ANKRD6: variants seen among roughly 807,000 people sequenced by gnomAD.
ANKRD6 encodes ankyrin repeat domain 6.
A neutral mutation model predicts 82.3 loss-of-function variants in ANKRD6; 56 were observed. The ratio of observed to expected loss-of-function variants is 0.68; its 90% CI spans 0.55 to 0.85. ANKRD6 has a LOEUF of 0.85. Among genes scored for constraint, ANKRD6 ranks in the 40% least tolerant of loss-of-function variants. The pLI is 0.00. For missense variants in ANKRD6, 852 were observed against 907.6 expected (o/e 0.94, Z 0.79); for synonymous variants, 347 against 352.1 (o/e 0.99, Z 0.16).
rs1485057776 is a variant in ANKRD6 at position 89,616,635 on chromosome 6, C to A, written c.692C>A (p.Ala231Glu). The part of the protein sequence containing the change: ...KVAKILLEAG[A>E]DTTIVNNAGQ... ...GCCAAAATCTTACTGGAAGCCGGAG[C>A]AGATACGACCATTGTTAACAATGTA... The change falls in exon 8 of 16, where the codon GCA becomes GAA. Residue 231 changes from alanine to glutamate, a missense_variant. Ala to Glu is a moderately radical substitution (Grantham distance 107). Transcript: ENST00000339746. The A allele has an allele frequency of 6.2e-7, 1 of 1,614,056 alleles. No homozygotes were observed. The highest frequency in any genetic ancestry group is 8.5e-7 in the Non-Finnish European group (1 of 1,179,898).
At chr6:89,547,372 C>T (rs1785235044) in intron 1 of ANKRD6, among the ~76,000 whole-genome samples, 1 of 152,174 alleles carries the variant, frequency 6.6e-6, no homozygotes, top group African/African-American at 2.4e-5. Flanking sequence ...GTGGGATGTG[C>T]CTTTGTCATG....
intron 1 of ANKRD6, among the ~76,000 whole-genome samples, chr6:89,452,205 T>C (rs1358433462): frequency 6.6e-6 from 1 of 152,198 alleles, no homozygotes; most frequent in Non-Finnish European, 1.5e-5. Context: ...ACTTTTAGTA[T>C]ATGCTATGAA....
intron 1 of ANKRD6, among the ~76,000 whole-genome samples, chr6:89,553,363 A>G (rs918569234): frequency 6.6e-6 from 1 of 152,190 alleles, no homozygotes; most frequent in Non-Finnish European, 1.5e-5. Context: ...ACTGACTTGC[A>G]GGTGTCCTCC....
intron 2 of ANKRD6, among the ~76,000 whole-genome samples, chr6:89,593,940 G>A (rs181779024): frequency 1.6e-3 from 242 of 152,308 alleles, no homozygotes; most frequent in African/African-American, 5.5e-3. Context: ...CATTTGAAGC[G>A]AATGGTCTTC....
At chr6:89,497,638 CAG>C (rs1229191598) in intron 1 of ANKRD6, among the ~76,000 whole-genome samples, 1 of 152,174 alleles carries the variant, frequency 6.6e-6, no homozygotes, top group Non-Finnish European at 1.5e-5. Flanking sequence ...TAGCAAATAA[CAG>C]TGGATATGTT....
intron 1 of ANKRD6, among the ~76,000 whole-genome samples, chr6:89,502,703 TTGTCAAGA>T (rs1779399957): frequency 6.6e-6 from 1 of 152,216 alleles, no homozygotes; most frequent in Non-Finnish European, 1.5e-5. Flanking sequence ...CTTTTGGCTA[TTGTCAAGA>T]AAATATAGCA....
At chr6:89,508,402 G>T (rs1443483442) in intron 1 of ANKRD6, among the ~76,000 whole-genome samples, 1 of 152,210 alleles carries the variant, frequency 6.6e-6, no homozygotes, top group African/African-American at 2.4e-5. Flanking sequence ...AGTGATGAGA[G>T]TTGGGGAAAT....
chr6:89,624,832 TG>T, intron 13 of ANKRD6, 141 bp downstream of exon 13: 1 of 903,142 alleles, frequency 1.1e-6, no homozygotes, highest in Non-Finnish European at 1.6e-6. Context: ...TCTGCTTATG[TG>T]ATTTTGTTAA....
chr6:89,565,977 G>A (rs1246944140), intron 1 of ANKRD6, among the ~76,000 whole-genome samples: 1 of 152,140 alleles, frequency 6.6e-6, no homozygotes, highest in East Asian at 1.9e-4. Context: ...AGGTATACTG[G>A]GGGGAGTCCC....
rs970537507 is a variant in ANKRD6 at position 89,567,029 on chromosome 6, C to G, written c.53C>G (p.Ala18Gly). Reference sequence around the variant, plus strand: ...CTTTCAGAGCGCCTTCTCGTAGCTGCGTACAAAGGCCAAACAGAGAATGTG... The same window carrying G: ...CTTTCAGAGCGCCTTCTCGTAGCTGGGTACAAAGGCCAAACAGAGAATGTG... ...AALSERLLVA[A>G]YKGQTENVVQ... Residue 18 changes from alanine (A) to glycine (G), a missense_variant, in exon 2 of 16, where the codon GCG becomes GGG. Coordinates refer to ENST00000339746, the MANE Select transcript of ANKRD6 (RefSeq NM_001242809.2). The G allele has an allele frequency of 5.6e-6, 9 of 1,607,092 alleles. No homozygotes were observed. The highest frequency in any genetic ancestry group is 8.5e-7 in the Non-Finnish European group (1 of 1,176,700).
At chr6:89,536,656 C>T (rs1484415192) in intron 1 of ANKRD6, among the ~76,000 whole-genome samples, 9 of 152,310 alleles carry the variant, frequency 5.9e-5, no homozygotes, top group Admixed American at 1.3e-4. Context: ...TGTGTCTGCG[C>T]GTGCGCTGTC....
At chr6:89,440,276 A>G (rs922791421) in intron 1 of ANKRD6, among the ~76,000 whole-genome samples, 3 of 152,260 alleles carry the variant, frequency 2.0e-5, no homozygotes, top group Admixed American at 6.5e-5. Context: ...TAGAGAAGTG[A>G]CAAGACAAAG....
chr6:89,523,092 T>G (rs1782067466), intron 1 of ANKRD6, among the ~76,000 whole-genome samples: 1 of 152,188 alleles, frequency 6.6e-6, no homozygotes, highest in Non-Finnish European at 1.5e-5. Flanking sequence ...TTCAGTTTGT[T>G]TTATTCTCAC....
chr6:89,504,386 GTCTCTC>G (rs975915590), intron 1 of ANKRD6, among the ~76,000 whole-genome samples: 15 of 151,628 alleles, frequency 9.9e-5, no homozygotes, highest in Admixed American at 3.9e-4. Context: ...TTGTAGGACA[GTCTCTC>G]TCTCGCTCTC....
At chr6:89,575,063 C>G (rs760839747) in intron 2 of ANKRD6, among the ~76,000 whole-genome samples, 3 of 152,316 alleles carry the variant, frequency 2.0e-5, no homozygotes, top group Non-Finnish European at 4.4e-5. Flanking sequence ...GGAAACCCAG[C>G]AAAGCCTGTC....
intron 1 of ANKRD6, among the ~76,000 whole-genome samples, chr6:89,503,712 C>T (rs964862885): frequency 1.3e-5 from 2 of 152,128 alleles, no homozygotes; most frequent in Non-Finnish European, 2.9e-5. Context: ...GCTAAGACTG[C>T]AGTTTTAAAT....
At chr6:89,524,649 T>C (rs937536576) in intron 1 of ANKRD6, among the ~76,000 whole-genome samples, 3 of 152,162 alleles carry the variant, frequency 2.0e-5, no homozygotes, top group African/African-American at 7.2e-5. Flanking sequence ...TTTAGGCTGG[T>C]TTCATATTTT....
chr6:89,587,951 C>T (rs569590664), intron 2 of ANKRD6, among the ~76,000 whole-genome samples: 2 of 152,172 alleles, frequency 1.3e-5, no homozygotes, highest in Admixed American at 6.5e-5. Context: ...ATTTTTTTCT[C>T]GAATGTGTTC....
At chr6:89,607,698 C>G (rs997928735) in intron 5 of ANKRD6, among the ~76,000 whole-genome samples, 4 of 151,552 alleles carry the variant, frequency 2.6e-5, no homozygotes, top group Admixed American at 6.6e-5. Context: ...TTCTGTCACC[C>G]AGGCTGGAGT....
Sources: gnomAD v4.1 joint callset for allele counts (sites outside exome capture counted in the v4.1 genomes callset) on GRCh38, gnomAD v4.1.1 for gene constraint, MANE v1.5 for transcripts, NCBI Gene and HGNC (gene_info 2026-07-23, HGNC 2026-07-21) for gene names.